SON: variants seen among roughly 807,000 people sequenced by gnomAD.
SON encodes the protein SON DNA and RNA binding protein, also known as protein SON.
Under a neutral mutation model 173.3 loss-of-function variants are expected in SON, and 4 were observed. That is an observed-to-expected ratio of 0.02 (90% CI 0.01 to 0.05). SON has a LOEUF of 0.05. Among genes scored for constraint, SON ranks in the 10% least tolerant of loss-of-function variants. The pLI is 1.00. For synonymous variants in SON, 1,190 were observed against 1,105.9 expected, an observed-to-expected ratio of 1.08 and a Z score of -1.51; for missense variants, 2,626 against 3,055.3, an observed-to-expected ratio of 0.86 and a Z score of 3.31.
intron 6 of SON, chr21:33,560,447 G>C (rs1477639666): frequency 1.9e-6 from 2 of 1,070,782 alleles, no homozygotes; most frequent in Non-Finnish European, 2.3e-6. Context: ...TTCAAACGTT[G>C]AAATTTCCAC....
intron 8 of SON, chr21:33,572,512 C>G: frequency 8.3e-7 from 1 of 1,202,342 alleles, no homozygotes; most frequent in Non-Finnish European, 1.1e-6. Flanking sequence ...ACAGAATAAC[C>G]TGTGAACTTT....
chr21:33,546,676 G>A (rs758892995), intron 2 of SON: 9 of 199,010 alleles, frequency 4.5e-5, no homozygotes, highest in Non-Finnish European at 9.2e-5. Flanking sequence ...AGCTACTTGG[G>A]AAGCTGAGGC....
Position 33,550,141 on chromosome 21 carries a change from G to A in SON, c.910G>A (p.Glu304Lys). 6.2e-7 allele frequency: 1 copy of A among 1,614,190 alleles called. No individual in the cohort carries two copies. The highest frequency in any genetic ancestry group is 8.5e-7 in the Non-Finnish European group (1 of 1,180,054). ...PPVAKVLEPS[E>K]TLVVSSETPT... ...AGTAGCAAAAGTGTTAGAGCCTTCA[G>A]AAACCCTTGTGGTATCATCAGAGAC... Residue 304 changes from glutamate to lysine, a missense_variant, in exon 3 of 12, where the codon GAA becomes AAA. Physicochemically the swap from Glu to Lys is moderately conservative, Grantham distance 56 (BLOSUM62 1). Transcript: ENST00000356577.
intron 7 of SON, 74 bp downstream of exon 7, chr21:33,567,341 C>A: frequency 1.2e-6 from 1 of 828,344 alleles, no homozygotes; most frequent in Non-Finnish European, 2.1e-6. Flanking sequence ...GTTTTAATGT[C>A]TAAATAAGAA....
chr21:33,575,301 G>A (rs2086375192), intron 9 of SON, among the ~76,000 whole-genome samples: 1 of 152,106 alleles, frequency 6.6e-6, no homozygotes, highest in African/African-American at 2.4e-5. Context: ...CTCCCAAAGT[G>A]CTGGGATTAC....
At chr21:33,567,465 C>T in intron 7 of SON, 198 bp downstream of exon 7, 1 of 564,598 alleles carries the variant, frequency 1.8e-6, no homozygotes, top group Non-Finnish European at 3.2e-6. Flanking sequence ...TTATTGTTTA[C>T]TATGTGGCAG....
chr21:33,558,924 T>G (rs2086017659), intron 4 of SON: 1 of 200,950 alleles, frequency 5.0e-6, no homozygotes, highest in African/African-American at 2.3e-5. Context: ...TGTACTAGAT[T>G]GTAAGCTCCT....
Position 33,551,187 on chromosome 21 carries a change from G to C in SON, c.1956G>C (p.Glu652Asp). Reference protein sequence around the residue: ...PGQPVATVALEISVQSVVTTS... With the variant: ...PGQPVATVALDISVQSVVTTS... ...AGCCTGTGGCAACTGTGGCGCTGGA[G>C]ATCTCTGTTCAGTCTGTGGTGACAA... The change falls in exon 3 of 12, where the codon GAG becomes GAC. Residue 652 changes from glutamate (E) to aspartate (D), a missense_variant. Around this residue, in one of 13 missense-constraint regions of SON, gnomAD observed 182 missense variants for 193.6 expected, o/e 0.94. Coordinates refer to ENST00000356577, the MANE Select transcript of SON (RefSeq NM_138927.4). 1 of 1,614,098 alleles carries C rather than the reference G, an allele frequency of 6.2e-7. No homozygotes were observed. Among genetic ancestry groups the C allele is most frequent in the East Asian group, 2.2e-5 (1 of 44,884 alleles).
intron 9 of SON, among the ~76,000 whole-genome samples, chr21:33,574,352 A>G (rs2086352544): frequency 6.6e-6 from 1 of 152,262 alleles, no homozygotes; most frequent in Non-Finnish European, 1.5e-5. Context: ...CTAGCTCTGC[A>G]CCAAATACTT....
At position 33,555,334 on chromosome 21, in the gene SON, C is replaced by G; in HGVS notation, c.6103C>G (p.Arg2035Gly). ...AAGGTTTAGCAGATCTCCCATCCGTCGTAAAAGATCCAGGTCTTCTGAACG... is the reference window on the plus strand; with the variant it reads ...AAGGTTTAGCAGATCTCCCATCCGTGGTAAAAGATCCAGGTCTTCTGAACG... ...RRRFSRSPIR[R>G]KRSRSSERGR... The change falls in exon 3 of 12, where the codon CGT becomes GGT. Residue 2035 changes from arginine (R) to glycine (G), a missense_variant. Physicochemically the swap from Arg to Gly is moderately radical, Grantham distance 125. This residue lies in a region of SON where 138 missense variants were observed against 222.9 expected (regional missense o/e 0.62). Transcript: ENST00000356577. The G allele has an allele frequency of 6.3e-7, 1 of 1,598,096 alleles. No individual in the cohort carries two copies. Among genetic ancestry groups the G allele is most frequent in the South Asian group, 1.1e-5 (1 of 88,562 alleles).
chr21:33,543,996 A>C (rs554504548), intron 1 of SON, among the ~76,000 whole-genome samples: 4 of 152,348 alleles, frequency 2.6e-5, no homozygotes, highest in Non-Finnish European at 5.9e-5. Flanking sequence ...ACTTAGGAAA[A>C]TAGTGTGTCA....
At chr21:33,543,833 G>A (rs755419405) in intron 1 of SON, among the ~76,000 whole-genome samples, 29 of 152,238 alleles carry the variant, frequency 1.9e-4, no homozygotes, top group Non-Finnish European at 3.4e-4. Flanking sequence ...ATTACAGCAA[G>A]TGAAAGTGGA....
chr21:33,573,243 CAAT>C (rs2086326983), intron 8 of SON, 62 bp from the exon 9 acceptor site: 1 of 1,330,036 alleles, frequency 7.5e-7, no homozygotes, highest in Admixed American at 2.1e-5. Context: ...AGAAAGTAAA[CAAT>C]GAATCTGTCA....
Position 33,564,176 on chromosome 21 carries a change from T to C in SON, c.6658-2981T>C, listed in dbSNP as rs1226821591. 2.6e-5 allele frequency among the ~76,000 whole-genome samples: 4 copies of C among 152,332 alleles called. No homozygotes were observed. In the East Asian group the frequency reaches 7.7e-4, roughly 29 times the overall value. ...TACCATCATTTTGGTGCCTTTCTTATATTTCCAGTTTCTGAATATTAAACG... is the reference window on the plus strand; with the variant it reads ...TACCATCATTTTGGTGCCTTTCTTACATTTCCAGTTTCTGAATATTAAACG... On this transcript the variant is annotated intron_variant, in intron 6 of 11. Transcript: ENST00000356577.
At chr21:33,562,449 A>G (rs2086087336) in intron 6 of SON, among the ~76,000 whole-genome samples, 2 of 152,198 alleles carry the variant, frequency 1.3e-5, no homozygotes, top group Admixed American at 1.3e-4. Flanking sequence ...TAAAACATTT[A>G]GGCAAAGATC....
At position 33,554,691 on chromosome 21, in the gene SON, T is replaced by A. The variant is rs765111329; in HGVS notation, c.5460T>A (p.Ser1820=). The A allele has an allele frequency of 3.3e-5, 53 of 1,613,932 alleles. No homozygotes were observed. Among genetic ancestry groups the A allele is most frequent in the Non-Finnish European group, 4.5e-5 (53 of 1,180,028 alleles). Residue 1820 remains serine (S), a synonymous_variant, in exon 3 of 12, where the codon TCT becomes TCA. Transcript: ENST00000356577. ...GGGAGAAAGAGAAGAAAAGAGACTC[T>A]TCATTAAGATCTCGAAGTAAGCGTT... ...DKGEKEKKRD[S]SLRSRSKRSK...
chr21:33,559,445 C>G lies in SON; in HGVS notation c.6468+69C>G. 1 of 1,501,774 alleles carries G rather than the reference C, an allele frequency of 6.7e-7. No individual in the cohort carries two copies. The highest frequency in any genetic ancestry group is 9.0e-7 in the Non-Finnish European group (1 of 1,114,480). The allele number at this position is 1,501,774 out of a possible 1,614,324, so 93.0% of individuals were successfully genotyped here. On this transcript the variant is annotated intron_variant, in intron 5 of 11. Coordinates refer to ENST00000356577, the MANE Select transcript of SON (RefSeq NM_138927.4). This position sits in a 1 kb window ranked among gnomAD's most constrained non-coding sequence, Gnocchi z 4.1. ...GGAACTATTTAAATAAAACCCAAATCGAATTTAGTTTATTAATTTTTGTTT... is the reference window on the plus strand; with the variant it reads ...GGAACTATTTAAATAAAACCCAAATGGAATTTAGTTTATTAATTTTTGTTT...
intron 3 of SON, 117 bp downstream of exon 3, chr21:33,555,508 C>A: frequency 1.0e-6 from 1 of 996,216 alleles, no homozygotes; most frequent in Non-Finnish European, 1.4e-6. Context: ...ATGTTTCTGT[C>A]TTTAAGTTTT....
At position 33,553,183 on chromosome 21, in the gene SON, T is replaced by C. The variant is rs746631074; in HGVS notation, c.3952T>C (p.Ser1318Pro). The change falls in exon 3 of 12, where the codon TCA becomes CCA. Residue 1318 changes from serine to proline, a missense_variant. Physicochemically the swap from Ser to Pro is moderately conservative, Grantham distance 74. This residue lies in a region of SON where 1,006 missense variants were observed against 895.6 expected (regional missense o/e 1.12). Transcript: ENST00000356577. ...AGAAACATTTGATTCCATGAGAGCC[T>C]CAGGACATGTTGCCTCAGAAGTATC... ...TAETFDSMRA[S>P]GHVASEVSTS... 4 of 1,614,010 alleles carry C rather than the reference T, an allele frequency of 2.5e-6. No individual in the cohort carries two copies. The South Asian group carries it at 4.4e-5, about 18-fold the overall frequency.
Sources: allele counts gnomAD v4.1 joint callset (sites outside exome capture counted in the v4.1 genomes callset), GRCh38; gene constraint gnomAD v4.1.1; regional missense constraint gnomAD v4.1.1; non-coding constraint Gnocchi (gnomAD v3.1); transcripts MANE v1.5; gene names NCBI Gene and HGNC (gene_info 2026-07-23, HGNC 2026-07-21).